The following DST variants were observed in gnomAD, a reference collection of about 807,000 sequenced individuals.
DST encodes the protein dystonin.
In DST, 253 loss-of-function variants were observed where a neutral mutation model predicts 875.2. The observed-to-expected ratio is 0.29, with a 90% CI of 0.26 to 0.32. The LOEUF (loss-of-function observed/expected upper bound fraction) is 0.32, where lower values mean the gene tolerates loss of function less well. Among genes scored for constraint, DST ranks in the 10% least tolerant of loss-of-function variants. The pLI is 1.00. For missense variants in DST, 8,287 were observed against 9,111.6 expected (o/e 0.91, Z 3.68); for synonymous variants, 3,124 against 3,197.1 (o/e 0.98, Z 0.77).
At position 56,502,079 on chromosome 6, in the gene DST, G is replaced by A. The variant is rs557525578; in HGVS notation, c.19567-386C>T. ...CATATGAAAGCCAAAAAAGTCTTAA[G>A]AAACTCAAATTAGTATTTCCTGCTC... On this transcript the variant is annotated intron_variant, in intron 78 of 103. Transcript: ENST00000680361. Among the ~76,000 whole-genome samples, 6 of 152,142 alleles carry A rather than the reference G, an allele frequency of 3.9e-5. No individual in the cohort carries two copies. In the South Asian group the frequency reaches 1.2e-3, roughly 32 times the overall value.
At chr6:56,467,763 C>T (rs934217787) in intron 98 of DST, among the ~76,000 whole-genome samples, 4 of 152,124 alleles carry the variant, frequency 2.6e-5, no homozygotes, top group Non-Finnish European at 5.9e-5. Context: ...CTCCAGACAA[C>T]TAACATCATC....
chr6:56,555,783 C>T lies in DST; in HGVS notation c.14698G>A (p.Gly4900Ser), dbSNP rs1235074141. The change falls in exon 60 of 104, where the codon GGT (glycine) becomes AGT (serine). Residue 4900 changes from glycine (G) to serine (S), a missense_variant. Coordinates refer to ENST00000680361, the MANE Select transcript of DST (RefSeq NM_001374736.1). ...CCAGGCCTGCTCAGAATGCCCTGAC[C>T]AGCTGCTGTCAGCTGTTCATATTGA... is the stretch of plus-strand genomic sequence containing the variant. Reference protein sequence around the residue: ...KPQYEQLTAAGQGILSRPGED... With the variant: ...KPQYEQLTAASQGILSRPGED... 4 of 1,559,724 alleles carry T rather than the reference C, an allele frequency of 2.6e-6. No homozygotes were observed. The African/African-American group carries it at 5.5e-5, about 21-fold the overall frequency.
At chr6:56,928,412 G>A (rs1430131365) in intron 2 of DST, among the ~76,000 whole-genome samples, 2 of 152,262 alleles carry the variant, frequency 1.3e-5, no homozygotes, top group African/African-American at 4.8e-5. Context: ...ATAGAAAGGT[G>A]AGGTGAAGCT....
chr6:56,618,931 T>C, intron 36 of DST: 1 of 1,614,222 alleles, frequency 6.2e-7, no homozygotes, highest in Non-Finnish European at 8.5e-7. Flanking sequence ...GTAGCTGAAC[T>C]TTCTGCTCCC....
At chr6:56,747,611 A>G (rs1345476750) in intron 4 of DST, among the ~76,000 whole-genome samples, 1 of 152,222 alleles carries the variant, frequency 6.6e-6, no homozygotes, top group Non-Finnish European at 1.5e-5. Flanking sequence ...AAGGACAGAA[A>G]GCTTCTGCAA....
intron 4 of DST, among the ~76,000 whole-genome samples, chr6:56,762,484 T>A (rs772578763): frequency 3.3e-5 from 5 of 152,214 alleles, no homozygotes; most frequent in Admixed American, 6.5e-5. Context: ...AAATTGGGAA[T>A]GGCTGCCCGC....
chr6:56,482,232 A>G, intron 89 of DST, 54 bp from the exon 90 acceptor site: 1 of 1,573,630 alleles, frequency 6.4e-7, no homozygotes, highest in Non-Finnish European at 8.6e-7. Flanking sequence ...TATGCCTGTT[A>G]GCACAATTTA....
chr6:56,946,295 T>C (rs1009300802), intron 2 of DST, among the ~76,000 whole-genome samples: 8 of 152,194 alleles, frequency 5.3e-5, no homozygotes, highest in Non-Finnish European at 8.8e-5. Context: ...ATATATCAAT[T>C]TGGAAATCAT....
In DST at chr6:56,509,882, A is replaced by G. The variant is rs774908226; in HGVS notation, c.18781-9T>C. On this transcript the variant is annotated splice_polypyrimidine_tract_variant and intron_variant, in intron 73 of 103. Transcript: ENST00000680361. ...TCTATCTTGTCATGGAACTAGGGGC[A>G]AAACAAAGAGATCTTTTATGGAAAA... 1.0e-5 allele frequency: 16 copies of G among 1,559,312 alleles called. No individual in the cohort carries two copies. In the African/African-American group the frequency reaches 1.6e-4, roughly 16 times the overall value.
At chr6:56,591,869 C>G (rs566055724) in intron 49 of DST, among the ~76,000 whole-genome samples, 21 of 151,130 alleles carry the variant, frequency 1.4e-4, no homozygotes, top group South Asian at 6.3e-4. Context: ...GTAGTCCCAG[C>G]TACTTGGGAG....
At chr6:56,777,933 G>C (rs2099682482) in intron 4 of DST, among the ~76,000 whole-genome samples, 1 of 152,028 alleles carries the variant, frequency 6.6e-6, no homozygotes, top group African/African-American at 2.4e-5. Flanking sequence ...AAATGCCTGA[G>C]CTCAAGCAAT....
intron 4 of DST, among the ~76,000 whole-genome samples, chr6:56,812,833 G>A (rs13214135): frequency 2.0e-5 from 3 of 151,952 alleles, no homozygotes; most frequent in Non-Finnish European, 2.9e-5. Flanking sequence ...TGGTGATTCC[G>A]CAGGGATCTA....
chr6:56,867,831 C>CAA (rs112741355), intron 3 of DST, among the ~76,000 whole-genome samples: 1 of 127,308 alleles, frequency 7.9e-6, no homozygotes, highest in Non-Finnish European at 1.7e-5. Flanking sequence ...GACTCCGTCT[C>CAA]AAAAAAAAAA....
chr6:56,596,807 C>T (rs947055235), intron 47 of DST, among the ~76,000 whole-genome samples: 1 of 152,168 alleles, frequency 6.6e-6, no homozygotes, highest in Non-Finnish European at 1.5e-5. Flanking sequence ...AGTAGTTCTA[C>T]AGAAGTCGCC....
intron 35 of DST, 98 bp downstream of exon 35, chr6:56,625,059 T>C (rs1485765053): frequency 2.4e-6 from 2 of 842,884 alleles, no homozygotes; most frequent in East Asian, 2.6e-5. Flanking sequence ...TAGTAAGTTT[T>C]ATACTATGTA....
intron 36 of DST, chr6:56,619,689 T>C (rs368300109): frequency 1.2e-6 from 2 of 1,613,914 alleles, no homozygotes; most frequent in African/African-American, 2.7e-5. Context: ...GCTTTACCTG[T>C]GGTTTGATTC....
intron 92 of DST, among the ~76,000 whole-genome samples, chr6:56,474,542 G>A (rs1250903546): frequency 1.3e-5 from 2 of 151,914 alleles, no homozygotes; most frequent in African/African-American, 2.4e-5. Context: ...AGAGTAAATT[G>A]AAAATAAAAA....
intron 4 of DST, among the ~76,000 whole-genome samples, chr6:56,813,996 G>GT (rs1473606012): frequency 6.6e-6 from 1 of 152,036 alleles, no homozygotes; most frequent in Admixed American, 6.5e-5. Flanking sequence ...ATAAAAATCT[G>GT]TATCTTTCAT....
At position 56,607,062 on chromosome 6, in the gene DST, G is replaced by C; in HGVS notation, c.7566C>G (p.His2522Gln). The C allele has an allele frequency of 6.2e-7, 1 of 1,613,138 alleles. No homozygotes were observed. The highest frequency in any genetic ancestry group is 1.1e-5 in the South Asian group (1 of 91,056). ...MISSNPQVQY[H>Q]NDKYISNTSG... ...AAGTATTTGAAATGTATTTATCATTGTGATATTGTACTTGAGGATTACTAG... is the reference window on the plus strand; with the variant it reads ...AAGTATTTGAAATGTATTTATCATTCTGATATTGTACTTGAGGATTACTAG... Residue 2522 changes from histidine to glutamine, a missense_variant, in exon 40 of 104, where the codon CAC becomes CAG. Around this residue, in one of 10 missense-constraint regions of DST, gnomAD observed 3,138 missense variants for 3,116.6 expected, o/e 1.01. Transcript: ENST00000680361.
Sources: allele counts gnomAD v4.1 joint callset (sites outside exome capture counted in the v4.1 genomes callset), GRCh38; gene constraint gnomAD v4.1.1; regional missense constraint gnomAD v4.1.1; transcripts MANE v1.5; gene names NCBI Gene and HGNC (gene_info 2026-07-23, HGNC 2026-07-21).